Variants in SLC25A21 observed in about 807,000 individuals in gnomAD.
The protein encoded by SLC25A21 is solute carrier family 25 member 21, also known as mitochondrial 2-oxodicarboxylate carrier.
Under a neutral mutation model 43.8 loss-of-function variants are expected in SLC25A21, and 47 were observed. The observed-to-expected ratio is 1.07, with a 90% confidence interval of 0.85 to 1.37. SLC25A21 has a LOEUF of 1.37. Ranked by LOEUF, SLC25A21 falls within the 40% of genes most tolerant of loss-of-function variation. SLC25A21 has a pLI of 0.00. For synonymous variants in SLC25A21, 131 were observed against 121.3 expected (o/e 1.08, Z -0.52); for missense variants, 352 against 350.2 (o/e 1.00, Z -0.04).
intron 3 of SLC25A21, among the ~76,000 whole-genome samples, chr14:36,811,883 T>C (rs1440704288): frequency 6.6e-6 from 1 of 152,174 alleles, no homozygotes; most frequent in Non-Finnish European, 1.5e-5. Flanking sequence ...AGAATTTTTT[T>C]TAATGTGACA....
intron 1 of SLC25A21, among the ~76,000 whole-genome samples, chr14:37,098,770 C>CAGATAGATAGATAGAT (rs1162182121): frequency 2.5e-5 from 3 of 121,474 alleles, no homozygotes; most frequent in African/African-American, 1.1e-4. Context: ...GACAGACAGA[C>CAGATAGATAGATAGAT]AGACAGACAG....
intron 1 of SLC25A21, among the ~76,000 whole-genome samples, chr14:37,092,515 A>T (rs1249908724): frequency 1.3e-5 from 2 of 152,118 alleles, no homozygotes; most frequent in Non-Finnish European, 2.9e-5. Flanking sequence ...ATTGGCTTTT[A>T]AGCCAATTAG....
chr14:37,158,450 C>T (rs996641707), intron 1 of SLC25A21, among the ~76,000 whole-genome samples: 1 of 152,060 alleles, frequency 6.6e-6, no homozygotes, highest in African/African-American at 2.4e-5. Flanking sequence ...TGATCAAGCT[C>T]TATCACATCA....
At chr14:36,995,157 T>C (rs1454397551) in intron 1 of SLC25A21, among the ~76,000 whole-genome samples, 1 of 152,124 alleles carries the variant, frequency 6.6e-6, no homozygotes, top group Non-Finnish European at 1.5e-5. Flanking sequence ...TGCTGACTTA[T>C]CCAATTTAAA....
At chr14:36,789,798 T>TA (rs1409669901) in intron 3 of SLC25A21, among the ~76,000 whole-genome samples, 1 of 71,228 alleles carries the variant, frequency 1.4e-5, no homozygotes, top group Non-Finnish European at 2.6e-5. Context: ...ATATATAATA[T>TA]ATTTTATATA....
chr14:36,729,299 T>C lies in SLC25A21; in HGVS notation c.330+208A>G, dbSNP rs569066597. Reference sequence around the variant, plus strand: ...CTCATATGGGGCCTTTCCAGACATATCATTATTATCATAAATTCATCACTG... The same window carrying C: ...CTCATATGGGGCCTTTCCAGACATACCATTATTATCATAAATTCATCACTG... On this transcript the variant is annotated intron_variant, in intron 5 of 9. Transcript: ENST00000331299. Among the ~76,000 whole-genome samples the C allele has an allele frequency of 5.9e-5, 9 of 152,328 alleles. No homozygotes were observed. In the South Asian group the frequency reaches 1.4e-3, roughly 25 times the overall value.
intron 3 of SLC25A21, among the ~76,000 whole-genome samples, chr14:36,787,710 T>C (rs1025747017): frequency 1.3e-5 from 2 of 152,192 alleles, no homozygotes; most frequent in Non-Finnish European, 2.9e-5. Context: ...AACTGAAATA[T>C]AATAAGGAGT....
intron 1 of SLC25A21, among the ~76,000 whole-genome samples, chr14:36,934,687 G>A (rs1678136487): frequency 6.7e-6 from 1 of 148,660 alleles, no homozygotes; most frequent in South Asian, 2.1e-4. Context: ...TCTCACTTTT[G>A]CTCCTTAGAG....
chr14:37,154,205 A>C (rs1006198304), intron 1 of SLC25A21, among the ~76,000 whole-genome samples: 1 of 152,158 alleles, frequency 6.6e-6, no homozygotes, highest in African/African-American at 2.4e-5. Context: ...CCCCAAGCAG[A>C]ACATCACCAC....
intron 3 of SLC25A21, among the ~76,000 whole-genome samples, chr14:36,809,807 A>C (rs556909933): frequency 2.6e-4 from 40 of 152,362 alleles, no homozygotes; most frequent in Non-Finnish European, 5.7e-4. Flanking sequence ...AATTATGTCA[A>C]CAGTCAAAAT....
Position 36,711,367 on chromosome 14 carries a change from A to G in SLC25A21, c.554T>C (p.Val185Ala). 1 of 1,614,146 alleles carries G rather than the reference A, an allele frequency of 6.2e-7. No homozygotes were observed. The highest frequency in any genetic ancestry group is 8.5e-7 in the Non-Finnish European group (1 of 1,180,014). The change falls in exon 7 of 10, where the codon GTT becomes GCT. Residue 185 changes from valine to alanine, a missense_variant. Physicochemically the swap from Val to Ala is moderately conservative, Grantham distance 64. Coordinates refer to ENST00000331299, the MANE Select transcript of SLC25A21 (RefSeq NM_030631.4). ...GACATTGTAGTAGAAGCCAAAATAA[A>G]CCATGTTGAAAACTCCATGTCGTCC... ...TLGRHGVFNM[V>A]YFGFYYNVKN... is the part of the protein sequence containing the mutation.
At chr14:36,728,784 C>T (rs370562365) in intron 5 of SLC25A21, among the ~76,000 whole-genome samples, 9 of 152,262 alleles carry the variant, frequency 5.9e-5, no homozygotes, top group East Asian at 3.9e-4. Context: ...AATTGGAGGG[C>T]CAATGCAGAT....
chr14:37,030,426 T>C (rs1191365722), intron 1 of SLC25A21, among the ~76,000 whole-genome samples: 1 of 152,126 alleles, frequency 6.6e-6, no homozygotes, highest in Admixed American at 6.5e-5. Context: ...ACTCATGATA[T>C]TCCTCCACCT....
chr14:37,046,825 T>G (rs1292349713), intron 1 of SLC25A21, among the ~76,000 whole-genome samples: 2 of 152,080 alleles, frequency 1.3e-5, no homozygotes, highest in African/African-American at 2.4e-5. Context: ...AGAAAACAAT[T>G]AAAAGTGTGG....
intron 3 of SLC25A21, chr14:36,806,756 T>G (rs1888053857): frequency 6.6e-6 from 1 of 152,296 alleles, no homozygotes; most frequent in South Asian, 2.1e-4. Flanking sequence ...CTATAGTTTA[T>G]TCTCCAAATT....
intron 1 of SLC25A21, among the ~76,000 whole-genome samples, chr14:37,162,150 C>T (rs963950446): frequency 1.3e-5 from 2 of 152,028 alleles, no homozygotes; most frequent in African/African-American, 2.4e-5. Context: ...TCACTGTCTC[C>T]AGAAGGAGCC....
chr14:37,051,202 G>GT (rs2138797844), intron 1 of SLC25A21, among the ~76,000 whole-genome samples: 1 of 152,294 alleles, frequency 6.6e-6, no homozygotes, highest in Admixed American at 6.5e-5. Flanking sequence ...ATTTTTAAAA[G>GT]TAAGTTTCTG....
chr14:37,005,584 A>C (rs977812665), intron 1 of SLC25A21, among the ~76,000 whole-genome samples: 5 of 152,230 alleles, frequency 3.3e-5, no homozygotes, highest in African/African-American at 1.2e-4. Flanking sequence ...CATACTTTAT[A>C]GTTGTGAAAT....
intron 1 of SLC25A21, among the ~76,000 whole-genome samples, chr14:36,975,401 T>C (rs560617915): frequency 1.3e-4 from 20 of 152,336 alleles, no homozygotes; most frequent in Middle Eastern, 6.8e-3. Context: ...TAAAAAGTCA[T>C]TGGAATCTAA....
Sources: gnomAD v4.1 joint callset for allele counts (sites outside exome capture counted in the v4.1 genomes callset) on GRCh38, gnomAD v4.1.1 for gene constraint, MANE v1.5 for transcripts, NCBI Gene and HGNC (gene_info 2026-07-23, HGNC 2026-07-21) for gene names.